Variants in UBE2E3 observed in about 807,000 individuals in gnomAD.
The protein encoded by UBE2E3 is ubiquitin-conjugating enzyme E2 E3.
UBE2E3 carries 5 observed loss-of-function variants against 23.6 expected under a neutral mutation model. The observed-to-expected ratio is 0.21, with a 90% CI of 0.11 to 0.44. The LOEUF is 0.44. UBE2E3 is among the 20% of genes least tolerant of loss of function. The pLI, the probability that UBE2E3 is intolerant of heterozygous loss-of-function variation, is 0.99. For missense variants in UBE2E3, 81 were observed against 249.8 expected, an observed-to-expected ratio of 0.32 and a Z score of 4.55; for synonymous variants, 78 against 87.5, an observed-to-expected ratio of 0.89 and a Z score of 0.60.
chr2:181,036,313 G>C (rs1465383276), intron 3 of UBE2E3, among the ~76,000 whole-genome samples: 1 of 152,180 alleles, frequency 6.6e-6, no homozygotes, highest in Non-Finnish European at 1.5e-5. Context: ...AATTCAGTAG[G>C]GAAAGGATTT....
chr2:181,028,111 C>T (rs1021669209), intron 3 of UBE2E3, among the ~76,000 whole-genome samples: 3 of 151,892 alleles, frequency 2.0e-5, no homozygotes, highest in Non-Finnish European at 2.9e-5. Flanking sequence ...TATTACTAAA[C>T]GGCATATATT....
At chr2:180,997,850 C>A in intron 3 of UBE2E3, among the ~76,000 whole-genome samples, 1 of 152,090 alleles carries the variant, frequency 6.6e-6, no homozygotes, top group East Asian at 1.9e-4. Flanking sequence ...AAGCCTATTT[C>A]AGATGTTACA....
At chr2:180,980,434 C>T (rs2105555851), upstream of UBE2E3, 1 of 151,176 alleles carries the variant, frequency 6.6e-6, no homozygotes, top group Non-Finnish European at 1.5e-5. The surrounding 1 kb of genome is among the most constrained non-coding windows in gnomAD (Gnocchi z 5.5). Flanking sequence ...CCTGGCCGCG[C>T]GCGGGCGGAC....
chr2:180,994,441 C>T (rs1684766769), intron 3 of UBE2E3, among the ~76,000 whole-genome samples: 1 of 152,186 alleles, frequency 6.6e-6, no homozygotes. Context: ...ATCATTTCAT[C>T]TATATCTTAA....
intron 3 of UBE2E3, among the ~76,000 whole-genome samples, chr2:180,986,146 G>A (rs889305607): frequency 5.3e-5 from 8 of 152,112 alleles, no homozygotes; most frequent in African/African-American, 1.9e-4. Flanking sequence ...CCTCATCCCT[G>A]CTTTCCCTTG....
chr2:181,008,406 A>G (rs1685215907), intron 3 of UBE2E3, among the ~76,000 whole-genome samples: 1 of 152,220 alleles, frequency 6.6e-6, no homozygotes, highest in African/African-American at 2.4e-5. Flanking sequence ...GCAAGATTTG[A>G]AATCAGGCAG....
intron 3 of UBE2E3, among the ~76,000 whole-genome samples, chr2:181,036,035 A>G (rs1187493590): frequency 3.3e-5 from 5 of 152,214 alleles, no homozygotes; most frequent in Non-Finnish European, 4.4e-5. Context: ...TGTTTGAAAT[A>G]CCAAATTCCT....
intron 3 of UBE2E3, among the ~76,000 whole-genome samples, chr2:181,051,315 T>C (rs1686839738): frequency 6.6e-6 from 1 of 151,850 alleles, no homozygotes; most frequent in African/African-American, 2.4e-5. Flanking sequence ...TCCTTATTGG[T>C]AGACATAGTG....
intron 3 of UBE2E3, among the ~76,000 whole-genome samples, chr2:180,991,032 A>G (rs1684638077): frequency 1.3e-5 from 2 of 152,228 alleles, no homozygotes; most frequent in South Asian, 2.1e-4. Context: ...TTCCACACCA[A>G]AAATGTATTA....
chr2:181,052,968 C>T (rs866383083), intron 3 of UBE2E3, among the ~76,000 whole-genome samples: 1 of 151,806 alleles, frequency 6.6e-6, no homozygotes, highest in African/African-American at 2.4e-5. Flanking sequence ...GTGCACAGGA[C>T]ACCTCGCCAT....
At chr2:181,017,606 A>C (rs1685536527) in intron 3 of UBE2E3, among the ~76,000 whole-genome samples, 1 of 150,908 alleles carries the variant, frequency 6.6e-6, no homozygotes, top group South Asian at 2.1e-4. Context: ...CTTTTTCTAG[A>C]CTGGATTCAT....
At chr2:181,001,411 T>G (rs1684987685) in intron 3 of UBE2E3, among the ~76,000 whole-genome samples, 1 of 152,154 alleles carries the variant, frequency 6.6e-6, no homozygotes, top group African/African-American at 2.4e-5. Context: ...TGTTTTGCCT[T>G]GAGTCCCAGA....
chr2:180,980,507 C>T (rs1684230421), upstream of UBE2E3: 1 of 148,782 alleles, frequency 6.7e-6, no homozygotes, highest in South Asian at 2.1e-4. The surrounding 1 kb of genome is among the most constrained non-coding windows in gnomAD (Gnocchi z 5.5). Flanking sequence ...GGGAACAGCT[C>T]GCGCCCGCCG....
chr2:181,052,932 T>G (rs1170591517), intron 3 of UBE2E3, among the ~76,000 whole-genome samples: 1 of 151,862 alleles, frequency 6.6e-6, no homozygotes, highest in Non-Finnish European at 1.5e-5. Context: ...ATCTGGCTGA[T>G]TGGTGGGCTT....
At chr2:181,023,043 T>C (rs1164793321) in intron 3 of UBE2E3, among the ~76,000 whole-genome samples, 2 of 152,234 alleles carry the variant, frequency 1.3e-5, no homozygotes, top group Non-Finnish European at 2.9e-5. Context: ...GAAAGCAATA[T>C]ACATTTAGTA....
chr2:180,997,882 G>T (rs1312166400), intron 3 of UBE2E3, among the ~76,000 whole-genome samples: 2 of 152,064 alleles, frequency 1.3e-5, no homozygotes, highest in Non-Finnish European at 2.9e-5. Context: ...AGCCCTTCCT[G>T]CACATATCTC....
At chr2:181,027,190 A>T (rs1456569694) in intron 3 of UBE2E3, among the ~76,000 whole-genome samples, 1 of 151,918 alleles carries the variant, frequency 6.6e-6, no homozygotes, top group Non-Finnish European at 1.5e-5. Context: ...GACTTATGTG[A>T]ATTTCGGATT....
chr2:181,010,546 A>G (rs529752264), intron 3 of UBE2E3, among the ~76,000 whole-genome samples: 1 of 152,324 alleles, frequency 6.6e-6, no homozygotes, highest in African/African-American at 2.4e-5. Context: ...ATCCTCCTGA[A>G]TCTGTGTTCT....
chr2:181,053,745 A>T (rs1686911236), intron 3 of UBE2E3, among the ~76,000 whole-genome samples: 1 of 151,764 alleles, frequency 6.6e-6, no homozygotes, highest in Non-Finnish European at 1.5e-5. Flanking sequence ...TTCACTCTTG[A>T]TGTTGTACAT....
Sources: allele counts gnomAD v4.1 joint callset (sites outside exome capture counted in the v4.1 genomes callset), GRCh38; gene constraint gnomAD v4.1.1; non-coding constraint Gnocchi (gnomAD v3.1); transcripts MANE v1.5; gene names NCBI Gene and HGNC (gene_info 2026-07-23, HGNC 2026-07-21).